GLIS3: variants seen among roughly 807,000 people sequenced by gnomAD.
GLIS3 encodes the protein GLIS family zinc finger 3, also known as zinc finger protein GLIS3.
In GLIS3, 53 loss-of-function variants were observed where a neutral mutation model predicts 78.6. The ratio of observed to expected loss-of-function variants is 0.67; its 90% CI spans 0.54 to 0.85. GLIS3 has a LOEUF of 0.85. Among genes scored for constraint, GLIS3 ranks in the 40% least tolerant of loss-of-function variants. GLIS3 has a pLI of 0.00. For missense variants in GLIS3, 1,703 were observed against 1,231.1 expected (o/e 1.38, Z -5.74); for synonymous variants, 684 against 509.9 (o/e 1.34, Z -4.60).
intron 8 of GLIS3, among the ~76,000 whole-genome samples, chr9:3,867,511 T>C (rs1820664648): frequency 6.6e-6 from 1 of 152,218 alleles, no homozygotes; most frequent in African/African-American, 2.4e-5. Flanking sequence ...TGGCTGGCCA[T>C]TCTACCCTGG....
chr9:3,831,329 C>G (rs947567290), intron 9 of GLIS3, among the ~76,000 whole-genome samples: 2 of 152,116 alleles, frequency 1.3e-5, no homozygotes, highest in Non-Finnish European at 2.9e-5. Flanking sequence ...CCAAACAGAC[C>G]ACTCATAAAT....
the GLIS3 span, among the ~76,000 whole-genome samples, chr9:4,390,342 T>A: frequency 6.6e-6 from 1 of 152,352 alleles, no homozygotes; most frequent in South Asian, 2.1e-4. Flanking sequence ...CCAGATATTG[T>A]TTTTATATAT....
In GLIS3 at chr9:4,202,901, T is replaced by C. The variant is rs574339481; in HGVS notation, c.389-76960A>G. On this transcript the variant is annotated intron_variant, in intron 2 of 10. Transcript: ENST00000381971. ...AGCTAGGAAACACCATTCTGGACAT[T>C]GCCATGGGAAAGAATTTATGACTAA... is the stretch of plus-strand genomic sequence containing the variant. Among the ~76,000 whole-genome samples, 3 of 152,294 alleles carry C rather than the reference T, an allele frequency of 2.0e-5. No individual in the cohort carries two copies. The South Asian group carries it at 6.2e-4, about 32-fold the overall frequency.
chr9:4,010,859 G>A (rs1821947411), intron 4 of GLIS3, among the ~76,000 whole-genome samples: 1 of 152,178 alleles, frequency 6.6e-6, no homozygotes, highest in Non-Finnish European at 1.5e-5. Flanking sequence ...GAACCTGATG[G>A]AGGTTCCAAA....
chr9:4,252,411 G>T (rs542820749), intron 2 of GLIS3, among the ~76,000 whole-genome samples: 1 of 151,944 alleles, frequency 6.6e-6, no homozygotes, highest in South Asian at 2.1e-4. Context: ...CCACTGATAC[G>T]TGGGTATGCT....
chr9:4,049,520 G>C (rs137901215), intron 4 of GLIS3, among the ~76,000 whole-genome samples: 13 of 152,278 alleles, frequency 8.5e-5, no homozygotes, highest in African/African-American at 2.9e-4. Context: ...GGAGTGTCGT[G>C]TACTGAGCTA....
intron 7 of GLIS3, among the ~76,000 whole-genome samples, chr9:3,888,482 A>G (rs1324466765): frequency 6.6e-6 from 1 of 152,196 alleles, no homozygotes; most frequent in Non-Finnish European, 1.5e-5. Context: ...AGCCAAAGTC[A>G]AGGGATGACC....
chr9:4,409,498 C>CA, the GLIS3 span, among the ~76,000 whole-genome samples: 1 of 152,158 alleles, frequency 6.6e-6, no homozygotes, highest in Non-Finnish European at 1.5e-5. Flanking sequence ...GTCATAATTA[C>CA]AGGCAGTCTC....
Position 4,013,529 on chromosome 9 carries a change from T to C in GLIS3, c.1711-76340A>G, listed in dbSNP as rs78934579. Among the ~76,000 whole-genome samples the C allele has an allele frequency of 4.1e-3, 618 of 152,324 alleles. 6 individuals are homozygous for C. The highest frequency in any genetic ancestry group is 0.014 in the African/African-American group (600 of 41,556). On this transcript the variant is annotated intron_variant, in intron 4 of 10. Transcript: ENST00000381971. ...AATAAAAGACTAATCTGCATACACA[T>C]CTATACATTTATAGCCTGCATACAG... is the stretch of plus-strand genomic sequence containing the variant.
At chr9:4,134,291 C>G (rs1285538286) in intron 2 of GLIS3, among the ~76,000 whole-genome samples, 1 of 152,126 alleles carries the variant, frequency 6.6e-6, no homozygotes, top group African/African-American at 2.4e-5. Flanking sequence ...TTCTAAGCAC[C>G]TAACTATCCC....
At chr9:4,208,720 A>G (rs1265080891) in intron 2 of GLIS3, among the ~76,000 whole-genome samples, 2 of 152,072 alleles carry the variant, frequency 1.3e-5, no homozygotes, top group Admixed American at 6.5e-5. Context: ...AAAGAGTCTA[A>G]CTCTGTGTGA....
the GLIS3 span, among the ~76,000 whole-genome samples, chr9:4,441,315 G>A: frequency 6.6e-6 from 1 of 152,160 alleles, no homozygotes; most frequent in Admixed American, 6.5e-5. Flanking sequence ...TTATTGTGTT[G>A]AGGCACATTC....
intron 4 of GLIS3, among the ~76,000 whole-genome samples, chr9:3,987,654 G>A (rs1412585115): frequency 6.7e-6 from 1 of 148,486 alleles, no homozygotes; most frequent in Non-Finnish European, 1.5e-5. Flanking sequence ...CCAAGATCAC[G>A]CCACTGCACC....
At chr9:4,336,513 C>T (rs111344174) in intron 2 of GLIS3, among the ~76,000 whole-genome samples, 3 of 344 alleles carry the variant, frequency 8.7e-3, no homozygotes, top group East Asian at 0.25. Context: ...GTTGATATCA[C>T]CCTTTCTCTT....
intron 9 of GLIS3, 76 bp from the exon 10 acceptor site, chr9:3,829,568 C>T (rs555914519): frequency 6.8e-7 from 1 of 1,472,590 alleles, no homozygotes; most frequent in South Asian, 1.2e-5. Flanking sequence ...CCAGCTAGAA[C>T]CTCACTCAGC....
At chr9:3,928,258 T>C (rs935045890) in intron 6 of GLIS3, among the ~76,000 whole-genome samples, 2 of 152,220 alleles carry the variant, frequency 1.3e-5, no homozygotes, top group African/African-American at 4.8e-5. Context: ...ATTCTATTAA[T>C]AGTATGACTG....
chr9:3,946,849 G>A (rs1816328094), intron 4 of GLIS3, among the ~76,000 whole-genome samples: 1 of 152,018 alleles, frequency 6.6e-6, no homozygotes, highest in African/African-American at 2.4e-5. Flanking sequence ...CTAATATGCT[G>A]TCAAATATGC....
chr9:4,416,515 A>G, the GLIS3 span, among the ~76,000 whole-genome samples: 1 of 152,108 alleles, frequency 6.6e-6, no homozygotes, highest in African/African-American at 2.4e-5. Context: ...TTTTTGTAAT[A>G]TAAATAATAT....
intron 2 of GLIS3, among the ~76,000 whole-genome samples, chr9:4,145,540 G>C (rs1010452362): frequency 6.6e-6 from 1 of 152,090 alleles, no homozygotes; most frequent in Non-Finnish European, 1.5e-5. Flanking sequence ...CAGTTCTTAA[G>C]AATGAGGCTA....
Sources: allele counts gnomAD v4.1 joint callset (sites outside exome capture counted in the v4.1 genomes callset), GRCh38; gene constraint gnomAD v4.1.1; transcripts MANE v1.5; gene names NCBI Gene and HGNC (gene_info 2026-07-23, HGNC 2026-07-21).